The following LINGO2 variants were observed in gnomAD, a reference collection of about 807,000 sequenced individuals.
LINGO2 encodes leucine rich repeat and Ig domain containing 2, also known as leucine-rich repeat and immunoglobulin-like domain-containing nogo receptor-interacting protein 2.
Under a neutral mutation model 30.6 loss-of-function variants are expected in LINGO2, and 14 were observed. That is an observed-to-expected ratio of 0.46 (90% CI 0.30 to 0.72). The LOEUF (loss-of-function observed/expected upper bound fraction) is 0.72, where lower values mean the gene tolerates loss of function less well. Among genes scored for constraint, LINGO2 ranks in the 30% least tolerant of loss-of-function variants. The pLI is 0.07. For synonymous variants in LINGO2, 317 were observed against 288.5 expected, an observed-to-expected ratio of 1.10 and a Z score of -1.00; for missense variants, 729 against 751.7, an observed-to-expected ratio of 0.97 and a Z score of 0.35.
the LINGO2 span, among the ~76,000 whole-genome samples, chr9:28,757,700 C>G: frequency 6.6e-6 from 1 of 152,034 alleles, no homozygotes; most frequent in South Asian, 2.1e-4. Context: ...GTTTGCTGAA[C>G]AAGGAGCCAG....
intron 1 of LINGO2, among the ~76,000 whole-genome samples, chr9:28,632,332 C>A (rs144785791): frequency 3.2e-4 from 48 of 151,994 alleles, no homozygotes; most frequent in Non-Finnish European, 3.7e-4. Flanking sequence ...ATCCTGTGGG[C>A]AGGGAAACTG....
the LINGO2 span, among the ~76,000 whole-genome samples, chr9:28,859,947 A>G: frequency 6.6e-6 from 1 of 152,030 alleles, no homozygotes; most frequent in African/African-American, 2.4e-5. Context: ...AAACTCAAAT[A>G]TTGAAGACAT....
chr9:29,077,012 A>G, the LINGO2 span, among the ~76,000 whole-genome samples: 1 of 152,128 alleles, frequency 6.6e-6, no homozygotes, highest in Non-Finnish European at 1.5e-5. Context: ...ACTGATTCCT[A>G]TCAATGTCTG....
chr9:28,771,072 C>T, the LINGO2 span, among the ~76,000 whole-genome samples: 6 of 152,164 alleles, frequency 3.9e-5, no homozygotes, highest in Admixed American at 3.3e-4. Flanking sequence ...GTCTAACTAC[C>T]TACTGGTCTC....
chr9:28,055,193 A>C lies in LINGO2; in HGVS notation c.-86-42788T>G, dbSNP rs1277455852. On this transcript the variant is annotated intron_variant, in intron 4 of 5. Transcript: ENST00000379992. The stretch of plus-strand genomic sequence containing the variant: ...TTATGTAAATTGGCTTAATTTTTTA[A>C]GTTTCTGCAGACAATTTCTTATGAA... 2.0e-5 allele frequency among the ~76,000 whole-genome samples: 3 copies of C among 152,156 alleles called. No homozygotes were observed. The East Asian group carries it at 5.8e-4, about 29-fold the overall frequency.
chr9:28,963,543 T>TACACACACACAC, the LINGO2 span, among the ~76,000 whole-genome samples: 4,667 of 140,786 alleles, frequency 0.033, 98 homozygotes, highest in South Asian at 0.053. Context: ...GGTATATGAA[T>TACACACACACAC]ACACACACAC....
At chr9:28,084,585 T>C (rs1825858029) in intron 4 of LINGO2, among the ~76,000 whole-genome samples, 2 of 152,270 alleles carry the variant, frequency 1.3e-5, no homozygotes, top group Admixed American at 1.3e-4. Context: ...TTCTTATTCC[T>C]ATTTACTGTA....
chr9:28,905,668 G>A, the LINGO2 span, among the ~76,000 whole-genome samples: 4 of 152,026 alleles, frequency 2.6e-5, no homozygotes, highest in African/African-American at 7.2e-5. Context: ...ACTAATGTTG[G>A]TGAGAATGTA....
chr9:28,459,227 T>C (rs1349299221), intron 2 of LINGO2, among the ~76,000 whole-genome samples: 2 of 151,252 alleles, frequency 1.3e-5, no homozygotes, highest in East Asian at 3.9e-4. Context: ...TTTCATCTGA[T>C]CTTCTGGAAA....
chr9:28,860,677 C>CAT, the LINGO2 span, among the ~76,000 whole-genome samples: 21,900 of 146,972 alleles, frequency 0.15, 1,972 homozygotes, highest in Admixed American at 0.24. Context: ...ATATATATTT[C>CAT]ATATATATAT....
rs150308540 is a variant in LINGO2 at position 28,401,999 on chromosome 9, A to G, written c.-278-29131T>C. 2.3e-3 allele frequency among the ~76,000 whole-genome samples: 347 copies of G among 152,070 alleles called. 1 individual carries two copies. The highest frequency in any genetic ancestry group is 8.1e-3 in the African/African-American group (336 of 41,476). ...GATGGGGTTGTGTTTTTTTCTTGTA[A>G]ATATATTTAAGTGTTCTTTAGATTG... On this transcript the variant is annotated intron_variant, in intron 2 of 5. Transcript: ENST00000379992.
chr9:28,565,365 T>C (rs1341792943), intron 1 of LINGO2, among the ~76,000 whole-genome samples: 3 of 150,334 alleles, frequency 2.0e-5, no homozygotes, highest in Non-Finnish European at 4.4e-5. Context: ...TTTTTTGTAC[T>C]TTTTAGTAGA....
chr9:28,967,528 T>G, the LINGO2 span, among the ~76,000 whole-genome samples: 1 of 152,236 alleles, frequency 6.6e-6, no homozygotes, highest in South Asian at 2.1e-4. Flanking sequence ...TCACCTTTTC[T>G]TTTAGAGAGA....
At chr9:28,614,644 G>C (rs1014593705) in intron 1 of LINGO2, among the ~76,000 whole-genome samples, 3 of 152,006 alleles carry the variant, frequency 2.0e-5, no homozygotes. Flanking sequence ...GAAATATATC[G>C]GTGAAATTTA....
At chr9:29,159,961 A>C in the LINGO2 span, among the ~76,000 whole-genome samples, 193 of 152,320 alleles carry the variant, frequency 1.3e-3, 1 homozygote, top group African/African-American at 4.5e-3. Context: ...TCCCACTTAA[A>C]ATATTTGTTT....
intron 1 of LINGO2, among the ~76,000 whole-genome samples, chr9:28,567,794 AAAAT>A (rs35618477): frequency 0.18 from 26,969 of 149,848 alleles, 2,582 homozygotes; most frequent in East Asian, 0.31. Flanking sequence ...TCCTGAATCT[AAAAT>A]AAATAAATAA....
At chr9:29,041,930 A>C in the LINGO2 span, among the ~76,000 whole-genome samples, 2 of 152,054 alleles carry the variant, frequency 1.3e-5, no homozygotes, top group African/African-American at 4.8e-5. Flanking sequence ...AGAATATATA[A>C]AGAACTTTAG....
intron 4 of LINGO2, among the ~76,000 whole-genome samples, chr9:28,152,651 A>G (rs1416560852): frequency 6.6e-6 from 1 of 152,222 alleles, no homozygotes; most frequent in Non-Finnish European, 1.5e-5. Context: ...CTAAATGTCA[A>G]TAGGACAACT....
intron 1 of LINGO2, among the ~76,000 whole-genome samples, chr9:28,520,227 T>C (rs533213498): frequency 2.6e-5 from 4 of 152,132 alleles, no homozygotes; most frequent in Non-Finnish European, 5.9e-5. Context: ...ATATTGCAGG[T>C]GTCTTTGTTT....
Sources: allele counts gnomAD v4.1 joint callset (sites outside exome capture counted in the v4.1 genomes callset), GRCh38; gene constraint gnomAD v4.1.1; transcripts MANE v1.5; gene names NCBI Gene and HGNC (gene_info 2026-07-23, HGNC 2026-07-21).